Variants in INTU observed in about 807,000 individuals in gnomAD.
INTU encodes the protein inturned planar cell polarity protein.
INTU carries 68 observed loss-of-function variants against 100.5 expected under a neutral mutation model. The ratio of observed to expected loss-of-function variants is 0.68; its 90% CI spans 0.56 to 0.83. The LOEUF (loss-of-function observed/expected upper bound fraction) is 0.83. Ranked by LOEUF, INTU falls within the 40% of genes least tolerant of loss-of-function variation. The pLI is 0.00. For synonymous variants in INTU, 357 were observed against 395.7 expected (o/e 0.90, Z 1.16); for missense variants, 1,071 against 1,114.7 (o/e 0.96, Z 0.56).
At chr4:127,692,507 T>C (rs902359834) in intron 8 of INTU, among the ~76,000 whole-genome samples, 17 of 152,246 alleles carry the variant, frequency 1.1e-4, no homozygotes, top group Admixed American at 1.0e-3. Context: ...GTCAGATGTA[T>C]AGATTGTGAA....
intron 2 of INTU, among the ~76,000 whole-genome samples, chr4:127,655,914 A>G (rs1319679647): frequency 3.3e-5 from 5 of 152,156 alleles, no homozygotes; most frequent in East Asian, 1.9e-4. Flanking sequence ...GGTGCGGGAT[A>G]TAATCTCGTG....
chr4:127,709,355 A>T (rs972596309), intron 13 of INTU, among the ~76,000 whole-genome samples: 1 of 152,054 alleles, frequency 6.6e-6, no homozygotes, highest in Non-Finnish European at 1.5e-5. Context: ...GTTTTTCCCA[A>T]GAGTACTTCC....
intron 5 of INTU, among the ~76,000 whole-genome samples, chr4:127,671,746 T>G (rs905439967): frequency 1.3e-5 from 2 of 151,530 alleles, no homozygotes; most frequent in African/African-American, 2.4e-5. Flanking sequence ...ATAAAGAAAA[T>G]GTGGTGTATG....
intron 6 of INTU, among the ~76,000 whole-genome samples, chr4:127,681,297 C>G (rs1729532581): frequency 6.6e-6 from 1 of 152,138 alleles, no homozygotes; most frequent in African/African-American, 2.4e-5. Flanking sequence ...ATCGCCAAGT[C>G]AATCCTAAGC....
intron 6 of INTU, among the ~76,000 whole-genome samples, chr4:127,677,501 G>A (rs1352370979): frequency 2.0e-5 from 3 of 150,694 alleles, no homozygotes; most frequent in African/African-American, 7.5e-5. Context: ...GGTCTGGAGT[G>A]GACCTCTAGC....
intron 8 of INTU, among the ~76,000 whole-genome samples, chr4:127,698,060 C>T (rs945557434): frequency 6.6e-5 from 10 of 152,122 alleles, no homozygotes; most frequent in African/African-American, 9.7e-5. Context: ...GCGGAGGTTG[C>T]GGTGAGCTGA....
chr4:127,685,980 C>A (rs1729806291), intron 7 of INTU: 1 of 152,078 alleles, frequency 6.6e-6, no homozygotes, highest in African/African-American at 2.4e-5. Flanking sequence ...ATGTGAAGAT[C>A]CATTGAGTTC....
At chr4:127,660,394 A>G (rs1235981994) in intron 3 of INTU, among the ~76,000 whole-genome samples, 6 of 152,178 alleles carry the variant, frequency 3.9e-5, no homozygotes, top group Admixed American at 1.3e-4. Context: ...ATCATCTGCC[A>G]GCTGTTAGCC....
chr4:127,642,539 T>A (rs1466731860), intron 1 of INTU, among the ~76,000 whole-genome samples: 2 of 152,198 alleles, frequency 1.3e-5, no homozygotes, highest in African/African-American at 4.8e-5. Flanking sequence ...AAATGTCTTC[T>A]ATCTGATTTA....
chr4:127,674,115 G>C lies in INTU; in HGVS notation c.1092-9G>C. 6.4e-7 allele frequency: 1 copy of C among 1,571,664 alleles called. No homozygotes were observed. Reference sequence around the variant, plus strand: ...ATTCTAACCTTATTTTGAATATATTGTTTCTTAGTTCATCCCTCCTTTTAA... The same window carrying C: ...ATTCTAACCTTATTTTGAATATATTCTTTCTTAGTTCATCCCTCCTTTTAA... On this transcript the variant is annotated splice_polypyrimidine_tract_variant and intron_variant, in intron 5 of 15. Transcript: ENST00000335251.
intron 6 of INTU, among the ~76,000 whole-genome samples, chr4:127,679,368 G>A (rs1729402007): frequency 6.6e-6 from 1 of 151,936 alleles, no homozygotes; most frequent in African/African-American, 2.4e-5. Flanking sequence ...GCTCTCCTCA[G>A]CAAATGTAAA....
intron 1 of INTU, among the ~76,000 whole-genome samples, chr4:127,639,669 T>C (rs1343629525): frequency 6.6e-6 from 1 of 152,146 alleles, no homozygotes; most frequent in Non-Finnish European, 1.5e-5. Flanking sequence ...ATTTGTGGAG[T>C]ATAATGTGAT....
chr4:127,708,461 C>T, intron 12 of INTU, 110 bp from the exon 13 acceptor site: 2 of 614,976 alleles, frequency 3.3e-6, no homozygotes, highest in Non-Finnish European at 5.8e-6. Context: ...TTAAAGGAAG[C>T]ATTGCAAATG....
chr4:127,702,986 A>G (rs1027824676), intron 9 of INTU, among the ~76,000 whole-genome samples: 4 of 152,072 alleles, frequency 2.6e-5, no homozygotes, highest in African/African-American at 9.7e-5. Context: ...ACAGTTCCCA[A>G]CTATTTGGTT....
chr4:127,704,366 G>GAA, intron 10 of INTU, 76 bp downstream of exon 10: 1 of 1,033,488 alleles, frequency 9.7e-7, no homozygotes, highest in East Asian at 2.4e-5. Flanking sequence ...TTACAAACAT[G>GAA]AAAAATACAT....
At chr4:127,712,505 C>A (rs115756531) in intron 14 of INTU, among the ~76,000 whole-genome samples, 1 of 152,090 alleles carries the variant, frequency 6.6e-6, no homozygotes, top group Non-Finnish European at 1.5e-5. Context: ...ATTCTAGGAA[C>A]GTGGGATACA....
At chr4:127,670,288 T>C (rs1423756032) in intron 5 of INTU, among the ~76,000 whole-genome samples, 1 of 151,924 alleles carries the variant, frequency 6.6e-6, no homozygotes, top group Non-Finnish European at 1.5e-5. Context: ...AGTTGGATTT[T>C]CTAGGCTTTA....
intron 6 of INTU, 65 bp from the exon 7 acceptor site, chr4:127,684,344 A>G (rs1364646085): frequency 4.6e-6 from 4 of 871,882 alleles, no homozygotes; most frequent in African/African-American, 1.7e-5. Flanking sequence ...AGGATGATCT[A>G]CTTCTTTTAG....
Position 127,643,608 on chromosome 4 carries a change from C to T in INTU, c.234C>T (p.Leu78=), listed in dbSNP as rs752138408. 18 of 1,613,352 alleles carry T rather than the reference C, an allele frequency of 1.1e-5. No individual in the cohort carries two copies. The South Asian group carries it at 1.8e-4, about 16-fold the overall frequency. Residue 78 remains leucine, a synonymous_variant, in exon 2 of 16, where the codon CTC becomes CTT. Coordinates refer to ENST00000335251, the MANE Select transcript of INTU (RefSeq NM_015693.4). ...TGAGTGAGGATGAAGAAGAAAGCCT[C>T]CTTCCTGAGACACCAACTGTGAACC... ...LELSEDEEES[L]LPETPTVNHV...
Sources: allele counts gnomAD v4.1 joint callset (sites outside exome capture counted in the v4.1 genomes callset), GRCh38; gene constraint gnomAD v4.1.1; transcripts MANE v1.5; gene names NCBI Gene and HGNC (gene_info 2026-07-23, HGNC 2026-07-21).